ANO2: variants seen among roughly 807,000 people sequenced by gnomAD.
ANO2 encodes anoctamin 2, also known as anoctamin-2.
ANO2 carries 101 observed loss-of-function variants against 124.2 expected under a neutral mutation model. The ratio of observed to expected loss-of-function variants is 0.81; its 90% confidence interval spans 0.69 to 0.96. ANO2 has a LOEUF of 0.96. Ranked by LOEUF, ANO2 falls within the 40% of genes least tolerant of loss-of-function variation. The pLI is 0.00. For synonymous variants in ANO2, 486 were observed against 482.5 expected (o/e 1.01, Z -0.09); for missense variants, 1,293 against 1,274.5 (o/e 1.01, Z -0.22).
chr12:5,563,420 G>C lies in ANO2; in HGVS notation c.2876C>G (p.Pro959Arg). The change falls in exon 25 of 25, where the codon CCG becomes CGG. Residue 959 changes from proline (P) to arginine (R), a missense_variant. Pro to Arg is a moderately radical substitution (Grantham distance 103). Transcript: ENST00000682330. ...CCCACCTCCTGGGCTCCTCAGAGCC[G>C]GCTCATCCATCAGCTTGAGCTTCTC... ...EHEKLKLMDE[P>R]ALRSPGGGDR... 6.2e-7 allele frequency: 1 copy of C among 1,612,362 alleles called. No homozygotes were observed. Among genetic ancestry groups the C allele is most frequent in the Non-Finnish European group, 8.5e-7 (1 of 1,179,298 alleles).
intron 10 of ANO2, among the ~76,000 whole-genome samples, chr12:5,783,519 G>A (rs778876616): frequency 7.9e-5 from 12 of 152,212 alleles, no homozygotes; most frequent in Non-Finnish European, 1.6e-4. Context: ...GAAGTATCAT[G>A]GCAAATTGCC....
Position 5,862,161 on chromosome 12 carries a change from G to A in ANO2, c.535-8020C>T, listed in dbSNP as rs1565731146. ...CCTAGGGAAGGAAAGGTGGAAATCT[G>A]CTCTGCTGGGAGCTCCTGGATGAGA... On this transcript the variant is annotated intron_variant, in intron 3 of 24. Coordinates refer to ENST00000682330, the MANE Select transcript of ANO2 (RefSeq NM_001364791.2). The surrounding 1 kb of genome is among the most constrained non-coding windows in gnomAD (Gnocchi z 4.0). 6.6e-6 allele frequency among the ~76,000 whole-genome samples: 1 copy of A among 152,080 alleles called. No individual in the cohort carries two copies. Among genetic ancestry groups the A allele is most frequent in the Non-Finnish European group, 1.5e-5 (1 of 68,020 alleles).
chr12:5,678,054 C>A (rs909229062), intron 14 of ANO2, among the ~76,000 whole-genome samples: 1 of 152,146 alleles, frequency 6.6e-6, no homozygotes, highest in Admixed American at 6.5e-5. Flanking sequence ...CCCAGCTTCC[C>A]ACCCTTAAGC....
intron 3 of ANO2, among the ~76,000 whole-genome samples, chr12:5,894,280 A>C (rs1334884420): frequency 2.0e-5 from 3 of 152,092 alleles, no homozygotes; most frequent in African/African-American, 7.2e-5. Context: ...GGCCACATAA[A>C]TGTCTTCTTT....
chr12:5,717,659 G>A (rs1256659042), intron 14 of ANO2, among the ~76,000 whole-genome samples: 2 of 152,136 alleles, frequency 1.3e-5, no homozygotes, highest in African/African-American at 4.8e-5. Context: ...ATTTCACCTT[G>A]TACTCCAGAT....
At chr12:5,848,972 C>T (rs749528217) in intron 4 of ANO2, among the ~76,000 whole-genome samples, 8 of 152,198 alleles carry the variant, frequency 5.3e-5, no homozygotes, top group Admixed American at 2.0e-4. Context: ...AACATCATCA[C>T]CTCTTCCCTC....
chr12:5,606,515 C>A (rs1316910038), intron 19 of ANO2, among the ~76,000 whole-genome samples: 2 of 152,152 alleles, frequency 1.3e-5, no homozygotes, highest in Admixed American at 6.5e-5. Context: ...CTTTTCACAT[C>A]ATTTCCTATT....
At chr12:5,617,225 C>T (rs76939514) in intron 16 of ANO2, among the ~76,000 whole-genome samples, 32,813 of 146,416 alleles carry the variant, frequency 0.22, 160 homozygotes, top group African/African-American at 0.31. Context: ...CAATGTACCA[C>T]ACTCTCCAAT....
In ANO2 at chr12:5,562,979, C is replaced by CA. The variant is rs978506703; in HGVS notation, c.*319dup. On this transcript the variant is annotated 3_prime_UTR_variant, in exon 25 of 25. Transcript: ENST00000682330. ...GATGGTGAAGTACAAGAGGGTGCCC[C>CA]AGGGTACATGGGAATGCTCGCGGTG... 4 of 322,484 alleles carry CA rather than the reference C, an allele frequency of 1.2e-5. No homozygotes were observed. The highest frequency in any genetic ancestry group is 4.2e-5 in the African/African-American group (2 of 48,122). The allele number at this position is 322,484 out of a possible 1,614,324, so 20.0% of individuals were successfully genotyped here.
intron 3 of ANO2, among the ~76,000 whole-genome samples, chr12:5,894,802 G>A (rs959042148): frequency 2.6e-5 from 4 of 152,204 alleles, no homozygotes; most frequent in African/African-American, 9.7e-5. Context: ...GATGGTTGTA[G>A]ATGGGTGGCG....
intron 13 of ANO2, among the ~76,000 whole-genome samples, chr12:5,737,337 C>A (rs1167106562): frequency 6.6e-6 from 1 of 152,204 alleles, no homozygotes; most frequent in Non-Finnish European, 1.5e-5. Flanking sequence ...ATGTACCTCC[C>A]AGGAAGTTAC....
intron 14 of ANO2, among the ~76,000 whole-genome samples, chr12:5,648,470 C>A (rs115083562): frequency 6.6e-6 from 1 of 152,200 alleles, no homozygotes; most frequent in South Asian, 2.1e-4. Flanking sequence ...CTTTTCCCCT[C>A]GGACTGGGTC....
rs570353251 is a variant in ANO2, at chr12:5,904,179, A to C, written c.534+16861T>G. Among the ~76,000 whole-genome samples, 2 of 152,240 alleles carry C rather than the reference A, an allele frequency of 1.3e-5. No homozygotes were observed. Among genetic ancestry groups the C allele is most frequent in the East Asian group, 3.9e-4 (2 of 5,172 alleles). Reference sequence around the variant, plus strand: ...CTGGCTGCTGCAGCATTAGTCTCCAATGTAAGCAGCTTATGGAAGCTGTAG... The same window carrying C: ...CTGGCTGCTGCAGCATTAGTCTCCACTGTAAGCAGCTTATGGAAGCTGTAG... On this transcript the variant is annotated intron_variant, in intron 3 of 24. Transcript: ENST00000682330. This position sits in a 1 kb window ranked among gnomAD's most constrained non-coding sequence, Gnocchi z 4.1.
chr12:5,890,563 G>C (rs780342190), intron 3 of ANO2, among the ~76,000 whole-genome samples: 10 of 152,208 alleles, frequency 6.6e-5, no homozygotes, highest in Non-Finnish European at 1.5e-4. Flanking sequence ...TAGGAACTTA[G>C]AGATTGAAAA....
intron 14 of ANO2, among the ~76,000 whole-genome samples, chr12:5,670,745 G>A (rs1947958097): frequency 6.6e-6 from 1 of 152,004 alleles, no homozygotes; most frequent in Non-Finnish European, 1.5e-5. Context: ...TCTTCATGTT[G>A]CCCACGTTGA....
chr12:5,912,860 G>C (rs1472642598), intron 3 of ANO2, among the ~76,000 whole-genome samples: 2 of 152,182 alleles, frequency 1.3e-5, no homozygotes, highest in African/African-American at 4.8e-5. Context: ...CGGCACGACT[G>C]TTCCTACACT....
At chr12:5,710,000 T>C (rs1465992675) in intron 14 of ANO2, among the ~76,000 whole-genome samples, 1 of 152,088 alleles carries the variant, frequency 6.6e-6, no homozygotes, top group African/African-American at 2.4e-5. Context: ...AGTTAGGTAG[T>C]TGGAGTTGAG....
At chr12:5,659,912 T>A (rs1468209488) in intron 14 of ANO2, among the ~76,000 whole-genome samples, 2 of 152,178 alleles carry the variant, frequency 1.3e-5, no homozygotes, top group Non-Finnish European at 2.9e-5. Flanking sequence ...GAGGCCCTTT[T>A]ATTTTGTGAT....
chr12:5,715,136 T>C (rs116669948), intron 14 of ANO2, among the ~76,000 whole-genome samples: 182 of 152,248 alleles, frequency 1.2e-3, no homozygotes, highest in African/African-American at 4.3e-3. Flanking sequence ...ATCCAAACAA[T>C]AAGAAAAATG....
Sources: gnomAD v4.1 joint callset for allele counts (sites outside exome capture counted in the v4.1 genomes callset) on GRCh38, gnomAD v4.1.1 for gene constraint, Gnocchi (gnomAD v3.1) non-coding constraint, MANE v1.5 for transcripts, NCBI Gene and HGNC (gene_info 2026-07-23, HGNC 2026-07-21) for gene names.